The following ZNF385D variants were observed in gnomAD, a reference collection of about 807,000 sequenced individuals.
The protein encoded by ZNF385D is zinc finger protein 385D, also known as zinc finger protein 659.
ZNF385D carries 15 observed loss-of-function variants against 35.8 expected under a neutral mutation model. The observed-to-expected ratio is 0.42, with a 90% CI of 0.28 to 0.64. The LOEUF (loss-of-function observed/expected upper bound fraction) is 0.64. Ranked by LOEUF, ZNF385D falls within the 30% of genes least tolerant of loss-of-function variation. The pLI is 0.23. For missense variants in ZNF385D, 474 were observed against 494.6 expected (o/e 0.96, Z 0.39); for synonymous variants, 212 against 186.8 (o/e 1.13, Z -1.10).
At chr3:21,729,473 T>C (rs2068900882) in intron 1 of ZNF385D, among the ~76,000 whole-genome samples, 1 of 152,070 alleles carries the variant, frequency 6.6e-6, no homozygotes, top group African/African-American at 2.4e-5. Context: ...TGGAAGGCAG[T>C]GTGACTTAAG....
chr3:21,697,725 T>C (rs964011438), intron 1 of ZNF385D, among the ~76,000 whole-genome samples: 2 of 151,852 alleles, frequency 1.3e-5, no homozygotes, highest in Non-Finnish European at 2.9e-5. Flanking sequence ...AGGACTAACA[T>C]CCAGAATCTA....
intron 3 of ZNF385D, among the ~76,000 whole-genome samples, chr3:22,115,085 T>G (rs1702740108): frequency 6.6e-6 from 1 of 152,062 alleles, no homozygotes; most frequent in African/African-American, 2.4e-5. Flanking sequence ...AGACAGGGTG[T>G]CAACTCACTG....
At chr3:22,059,878 T>C (rs1020168866) in intron 3 of ZNF385D, among the ~76,000 whole-genome samples, 2 of 152,158 alleles carry the variant, frequency 1.3e-5, no homozygotes, top group African/African-American at 2.4e-5. Flanking sequence ...TTTGACTCAG[T>C]AGACTGAATA....
chr3:21,536,540 G>C (rs966748125), intron 3 of ZNF385D, among the ~76,000 whole-genome samples: 1 of 151,958 alleles, frequency 6.6e-6, no homozygotes, highest in African/African-American at 2.4e-5. Flanking sequence ...TAACTGGCAA[G>C]CATCATGATA....
chr3:21,912,226 A>C (rs1435997615), intron 3 of ZNF385D, among the ~76,000 whole-genome samples: 1 of 151,802 alleles, frequency 6.6e-6, no homozygotes, highest in Admixed American at 6.6e-5. Flanking sequence ...CAGACCCTAA[A>C]CTCGTTAAAA....
chr3:21,613,747 G>A (rs2064758333), intron 2 of ZNF385D, among the ~76,000 whole-genome samples: 1 of 152,192 alleles, frequency 6.6e-6, no homozygotes. Context: ...GCATGTGAAT[G>A]AATCATAGAA....
At position 21,465,745 on chromosome 3, in the gene ZNF385D, A is replaced by G. The variant is rs764942449; in HGVS notation, c.440-28542T>C. On this transcript the variant is annotated intron_variant, in intron 4 of 7. Transcript: ENST00000281523. This position sits in a 1 kb window ranked among gnomAD's most constrained non-coding sequence, Gnocchi z 4.2. ...CAACATTTCTATAATTTGTTTCTTT[A>G]TCACCCATTTTATGTTTGTAATTAA... Among the ~76,000 whole-genome samples the G allele has an allele frequency of 5.9e-5, 9 of 152,084 alleles. No individual in the cohort carries two copies. Among genetic ancestry groups the G allele is most frequent in the Non-Finnish European group, 1.2e-4 (8 of 68,026 alleles).
intron 4 of ZNF385D, among the ~76,000 whole-genome samples, chr3:21,509,356 G>T (rs1169837832): frequency 2.6e-5 from 4 of 152,008 alleles, no homozygotes; most frequent in Admixed American, 6.6e-5. Context: ...ATGCTGCTTT[G>T]GGGATCCCCA....
At chr3:21,575,833 T>A (rs556870087) in intron 2 of ZNF385D, among the ~76,000 whole-genome samples, 1 of 152,172 alleles carries the variant, frequency 6.6e-6, no homozygotes, top group Non-Finnish European at 1.5e-5. Context: ...CTCACACTTA[T>A]CAAGGGCTCA....
chr3:22,011,590 T>C (rs1383090), intron 3 of ZNF385D, among the ~76,000 whole-genome samples: 16,289 of 152,112 alleles, frequency 0.11, 1,165 homozygotes, highest in South Asian at 0.26. Context: ...TTGTGGATTA[T>C]CTGAAGAAAA....
intron 3 of ZNF385D, among the ~76,000 whole-genome samples, chr3:22,040,607 AGATGGTAT>A (rs1285509048): frequency 6.6e-6 from 1 of 151,856 alleles, no homozygotes; most frequent in Non-Finnish European, 1.5e-5. Context: ...GTGTAGTCTC[AGATGGTAT>A]GATGGTATGC....
intron 3 of ZNF385D, among the ~76,000 whole-genome samples, chr3:21,928,265 G>A (rs1209434396): frequency 3.5e-5 from 5 of 144,892 alleles, no homozygotes; most frequent in African/African-American, 1.0e-4. Context: ...GAAGAAGGAA[G>A]GAAGGAAGGA....
At chr3:21,895,883 G>A (rs1434706344) in intron 3 of ZNF385D, among the ~76,000 whole-genome samples, 2 of 152,062 alleles carry the variant, frequency 1.3e-5, no homozygotes, top group African/African-American at 2.4e-5. Context: ...AGTCTATGAA[G>A]TCTCCTAGAA....
intron 2 of ZNF385D, among the ~76,000 whole-genome samples, chr3:22,220,170 C>A (rs1192574703): frequency 6.6e-6 from 1 of 151,290 alleles, no homozygotes; most frequent in Non-Finnish European, 1.5e-5. Context: ...ATCAAGCGAT[C>A]CTCCCACCTC....
chr3:22,198,992 C>A (rs947300027), intron 2 of ZNF385D, among the ~76,000 whole-genome samples: 2 of 152,148 alleles, frequency 1.3e-5, no homozygotes, highest in Admixed American at 1.3e-4. Flanking sequence ...TCCACATCTA[C>A]TACTGTTTAA....
At chr3:21,712,583 C>T (rs541696195) in intron 1 of ZNF385D, among the ~76,000 whole-genome samples, 6 of 152,212 alleles carry the variant, frequency 3.9e-5, no homozygotes, top group African/African-American at 1.2e-4. Context: ...TGTAACACCG[C>T]TGTAAAATGA....
intron 3 of ZNF385D, among the ~76,000 whole-genome samples, chr3:22,017,192 C>T (rs1696946317): frequency 6.6e-6 from 1 of 151,956 alleles, no homozygotes; most frequent in African/African-American, 2.4e-5. Flanking sequence ...AAACCCATTT[C>T]TCTTCTCTCA....
At chr3:21,966,909 G>C (rs1702946640) in intron 3 of ZNF385D, among the ~76,000 whole-genome samples, 1 of 152,150 alleles carries the variant, frequency 6.6e-6, no homozygotes. Context: ...TGGCCTAGCA[G>C]ATTTACTTCT....
At chr3:21,766,671 A>T (rs1251050084) in intron 3 of ZNF385D, among the ~76,000 whole-genome samples, 2 of 152,130 alleles carry the variant, frequency 1.3e-5, no homozygotes, top group Non-Finnish European at 2.9e-5. Context: ...GAGAATAGAG[A>T]TAAATAAGGA....
Sources: allele counts gnomAD v4.1 joint callset (sites outside exome capture counted in the v4.1 genomes callset), GRCh38; gene constraint gnomAD v4.1.1; non-coding constraint Gnocchi (gnomAD v3.1); transcripts MANE v1.5; gene names NCBI Gene and HGNC (gene_info 2026-07-23, HGNC 2026-07-21).